TRPM3: variants seen among roughly 807,000 people sequenced by gnomAD.
The protein encoded by TRPM3 is transient receptor potential cation channel subfamily M member 3.
A neutral mutation model predicts 181.2 loss-of-function variants in TRPM3; 77 were observed. The observed-to-expected ratio is 0.42, with a 90% confidence interval of 0.35 to 0.51. The LOEUF (loss-of-function observed/expected upper bound fraction) is 0.51. Among genes scored for constraint, TRPM3 ranks in the 20% least tolerant of loss-of-function variants. The probability of loss-of-function intolerance (pLI) is 0.01; values close to 1 mark genes in which losing one functional copy is unlikely to be tolerated. For synonymous variants in TRPM3, 745 were observed against 796.4 expected, an observed-to-expected ratio of 0.94 and a Z score of 1.09; for missense variants, 1,759 against 2,196.7, an observed-to-expected ratio of 0.80 and a Z score of 3.98.
At chr9:70,814,860 C>G (rs913443) in intron 6 of TRPM3, among the ~76,000 whole-genome samples, 41,890 of 151,666 alleles carry the variant, frequency 0.28, 7,342 homozygotes, top group African/African-American at 0.5. Context: ...TCCCTCTCTC[C>G]CTTCCTGCTT....
At chr9:71,026,557 T>C (rs1034035641) in intron 1 of TRPM3, among the ~76,000 whole-genome samples, 3 of 152,180 alleles carry the variant, frequency 2.0e-5, no homozygotes, top group Non-Finnish European at 2.9e-5. Context: ...TGCCATCATG[T>C]GTGTGCGTGT....
At chr9:70,988,454 C>T (rs2097443369) in intron 1 of TRPM3, among the ~76,000 whole-genome samples, 1 of 152,076 alleles carries the variant, frequency 6.6e-6, no homozygotes, top group Non-Finnish European at 1.5e-5. Context: ...GAATAGAAAC[C>T]TAAGACAGTT....
chr9:70,801,998 T>G (rs942639026), intron 6 of TRPM3, among the ~76,000 whole-genome samples: 1 of 152,210 alleles, frequency 6.6e-6, no homozygotes, highest in African/African-American at 2.4e-5. Context: ...CCCACACTGC[T>G]GGACCCCACC....
Position 70,664,641 on chromosome 9 carries a change from G to GTTTTTT in TRPM3, c.1345+16859_1345+16864dup, listed in dbSNP as rs71367210. 3.5e-4 allele frequency among the ~76,000 whole-genome samples: 35 copies of GTTTTTT among 100,220 alleles called. 4 individuals carry two copies. The highest frequency in any genetic ancestry group is 9.7e-4 in the African/African-American group (27 of 27,960). The allele number at this position is 100,220 out of a possible 152,430, so 65.7% of individuals were successfully genotyped here. ...ACAACCACACCCGATTAGGAGAGTA[G>GTTTTTT]TTTTTTTTTTTTTTTTTTTTTTTTT... On this transcript the variant is annotated intron_variant, in intron 9 of 25. Transcript: ENST00000677713.
At chr9:71,269,475 T>C (rs1033248467) in intron 1 of TRPM3, among the ~76,000 whole-genome samples, 3 of 152,208 alleles carry the variant, frequency 2.0e-5, no homozygotes, top group Admixed American at 6.5e-5. Context: ...CAGAGCAGAA[T>C]AATCTCATTT....
chr9:71,064,318 A>C (rs926219113), intron 1 of TRPM3, among the ~76,000 whole-genome samples: 3 of 152,110 alleles, frequency 2.0e-5, no homozygotes, highest in African/African-American at 7.2e-5. Flanking sequence ...AGGAAGTAGA[A>C]ATGCTTGGAG....
intron 8 of TRPM3, among the ~76,000 whole-genome samples, chr9:70,697,392 TGGGTTCCTAAACCCAA>T (rs1249875265): frequency 1.3e-5 from 2 of 152,240 alleles, no homozygotes; most frequent in African/African-American, 2.4e-5. Context: ...ATTATCACTT[TGGGTTCCTAAACCCAA>T]GTAATCTCTC....
At chr9:70,683,147 C>T (rs1267851688) in intron 8 of TRPM3, among the ~76,000 whole-genome samples, 3 of 152,146 alleles carry the variant, frequency 2.0e-5, no homozygotes, top group Admixed American at 6.5e-5. Flanking sequence ...TACCTGTTTA[C>T]GTCCTAAGGT....
At chr9:71,247,171 T>C (rs2082078091) in intron 1 of TRPM3, among the ~76,000 whole-genome samples, 1 of 151,890 alleles carries the variant, frequency 6.6e-6, no homozygotes, top group Non-Finnish European at 1.5e-5. Flanking sequence ...CTGACCAACA[T>C]GGTGAAATAC....
At chr9:71,436,642 C>T (rs968760054) in intron 1 of TRPM3, among the ~76,000 whole-genome samples, 4 of 152,058 alleles carry the variant, frequency 2.6e-5, no homozygotes, top group Non-Finnish European at 5.9e-5. Flanking sequence ...ATGTCTTTAT[C>T]AGCAGTATGA....
At chr9:70,934,908 TG>T (rs1564796598) in intron 1 of TRPM3, among the ~76,000 whole-genome samples, 1 of 151,950 alleles carries the variant, frequency 6.6e-6, no homozygotes, top group Non-Finnish European at 1.5e-5. Context: ...AAAAAATGAT[TG>T]GGTATTCTTG....
chr9:70,844,997 A>G (rs1373764445), intron 4 of TRPM3, among the ~76,000 whole-genome samples: 1 of 152,204 alleles, frequency 6.6e-6, no homozygotes, highest in Non-Finnish European at 1.5e-5. Context: ...TTTGATTACT[A>G]CAGGATAAGG....
chr9:70,558,325 A>C (rs1370888778), intron 22 of TRPM3, among the ~76,000 whole-genome samples: 1 of 152,200 alleles, frequency 6.6e-6, no homozygotes, highest in African/African-American at 2.4e-5. Flanking sequence ...ACTTGTAATT[A>C]GTCTTGACTG....
intron 1 of TRPM3, among the ~76,000 whole-genome samples, chr9:71,293,916 G>A (rs1010272326): frequency 2.0e-5 from 3 of 151,910 alleles, no homozygotes; most frequent in African/African-American, 7.2e-5. Context: ...AGGTGGTATT[G>A]CATACCTGCG....
chr9:70,622,692 G>C (rs936573558), intron 14 of TRPM3, among the ~76,000 whole-genome samples: 1 of 152,190 alleles, frequency 6.6e-6, no homozygotes, highest in Non-Finnish European at 1.5e-5. Flanking sequence ...TACATCTCTG[G>C]GGCCAGGAAT....
chr9:71,241,239 A>T (rs1424465680), intron 1 of TRPM3, among the ~76,000 whole-genome samples: 2 of 152,042 alleles, frequency 1.3e-5, no homozygotes, highest in Non-Finnish European at 2.9e-5. Context: ...TGAATTTAAA[A>T]TCTTCTCTGG....
intron 24 of TRPM3, 51 bp from the exon 25 acceptor site, chr9:70,549,725 G>A: frequency 6.5e-7 from 1 of 1,549,754 alleles, no homozygotes; most frequent in Non-Finnish European, 8.6e-7. Flanking sequence ...TAAAAGCGAT[G>A]GCATCTGATT....
rs189933081 is a variant in TRPM3 at position 70,751,572 on chromosome 9, A to G, written c.1272+10029T>C. Among the ~76,000 whole-genome samples, 196 of 152,308 alleles carry G rather than the reference A, an allele frequency of 1.3e-3. 2 individuals carry two copies. In the Middle Eastern group the frequency reaches 0.021, roughly 16 times the overall value. ...AGGTAATGTCCACATTATGGATGAA[A>G]GTAATGAGAAACGTAAGGAAAAGAG... is the stretch of plus-strand genomic sequence containing the variant. On this transcript the variant is annotated intron_variant, in intron 8 of 25. Coordinates refer to ENST00000677713, the MANE Select transcript of TRPM3 (RefSeq NM_001366145.2).
At chr9:70,969,923 C>T (rs532213621) in intron 1 of TRPM3, among the ~76,000 whole-genome samples, 2 of 151,922 alleles carry the variant, frequency 1.3e-5, no homozygotes, top group African/African-American at 4.8e-5. Context: ...TGTGGTAAAG[C>T]TTAGATTTGA....
Sources: allele counts gnomAD v4.1 joint callset (sites outside exome capture counted in the v4.1 genomes callset), GRCh38; gene constraint gnomAD v4.1.1; transcripts MANE v1.5; gene names NCBI Gene and HGNC (gene_info 2026-07-23, HGNC 2026-07-21).